The following ABCA6 variants were observed in gnomAD, a reference collection of about 807,000 sequenced individuals.
ABCA6 encodes the protein ATP-binding cassette sub-family A member 6.
A neutral mutation model predicts 191.2 loss-of-function variants in ABCA6; 164 were observed. That is an observed-to-expected ratio of 0.86 (90% CI 0.76 to 0.98). The LOEUF (loss-of-function observed/expected upper bound fraction) is 0.98. Among genes scored for constraint, ABCA6 ranks in the 50% least tolerant of loss-of-function variants. ABCA6 has a pLI of 0.00. For synonymous variants in ABCA6, 636 were observed against 647.7 expected (o/e 0.98, Z 0.27); for missense variants, 1,958 against 1,894.1 (o/e 1.03, Z -0.63).
rs2073723916 is a variant in ABCA6 at position 69,125,023 on chromosome 17, C to A, written c.1132G>T (p.Asp378Tyr). 1.4e-6 allele frequency: 2 copies of A among 1,390,780 alleles called. No homozygotes were observed. The highest frequency in any genetic ancestry group is 9.5e-7 in the Non-Finnish European group (1 of 1,049,576). The allele number at this position is 1,390,780 out of a possible 1,614,324, so 86.2% of individuals were successfully genotyped here. ...TTGMIQIIKL[D>Y]YNLNGVIFPD... ...AAAATTACACCATTCAAGTTATAAT[C>A]CAGTTTGATAATCTAAGATTCAAAA... The change falls in exon 9 of 39, where the codon GAT (aspartate) becomes TAT (tyrosine). Residue 378 changes from aspartate to tyrosine, a missense_variant. Transcript: ENST00000284425.
Position 69,140,683 on chromosome 17 carries a change from G to A in ABCA6, c.21C>T (p.Ser7=), listed in dbSNP as rs866698505. 3.8e-6 allele frequency: 6 copies of A among 1,595,296 alleles called. No individual in the cohort carries two copies. Among genetic ancestry groups the A allele is most frequent in the East Asian group, 2.3e-5 (1 of 43,698 alleles). The change falls in exon 2 of 39, where the codon AGC becomes AGT. Residue 7 remains serine (S), a synonymous_variant. Transcript: ENST00000284425. MNMKQK[S]VYQQTKALLC... is the part of the protein sequence containing the mutation. ...GAAGTGCTTTGGTTTGCTGATACAC[G>A]CTTTTCTGTTTCATATTCATTTAGC...
chr17:69,089,576 T>C, intron 26 of ABCA6, 34 bp from the exon 27 acceptor site: 1 of 1,481,436 alleles, frequency 6.8e-7, no homozygotes. Context: ...CACACACTAA[T>C]GATAATTCAT....
At chr17:69,099,137 G>A (rs1202990622) in intron 22 of ABCA6, among the ~76,000 whole-genome samples, 1 of 151,852 alleles carries the variant, frequency 6.6e-6, no homozygotes, top group Non-Finnish European at 1.5e-5. Context: ...TCAGGGAAAG[G>A]AACTTTAAAT....
Position 69,105,577 on chromosome 17 carries a change from C to T in ABCA6, c.2625G>A (p.Met875Ile), listed in dbSNP as rs7212506. ...CGATCTTTTCATTTAACATAGCATA[C>T]ATTATATTTTCAACAATCAAAGGGA... is the stretch of plus-strand genomic sequence containing the variant. ...AIFPLIVENI[M>I]YAMLNEKIDW... The change falls in exon 20 of 39, where the codon ATG (methionine) becomes ATA (isoleucine). Residue 875 changes from methionine to isoleucine, a missense_variant. By Grantham distance (10) the Met-to-Ile change is conservative. Coordinates refer to ENST00000284425, the MANE Select transcript of ABCA6 (RefSeq NM_080284.3). 0.91 allele frequency: 1,413,575 copies of T among 1,559,994 alleles called. 649,929 individuals are homozygous for T. The highest frequency in any genetic ancestry group is 0.94 in the Non-Finnish European group (1,068,357 of 1,134,184).
Position 69,084,301 on chromosome 17 carries a change from G to A in ABCA6, c.4315C>T (p.Pro1439Ser), listed in dbSNP as rs143796127. The change falls in exon 34 of 39, where the codon CCA (proline) becomes TCA (serine). Residue 1439 changes from proline (P) to serine (S), a missense_variant. Coordinates refer to ENST00000284425, the MANE Select transcript of ABCA6 (RefSeq NM_080284.3). ...GNSPVLLLDE[P>S]STGIDPTGQQ... ...CCTGTGGGGTCTATGCCCGTAGATG[G>A]TTCATCCAGGAGCAAGACAGGTGAG... The A allele has an allele frequency of 3.5e-4, 564 of 1,614,120 alleles. 1 individual carries two copies. The African/African-American group carries it at 7.0e-3, about 20-fold the overall frequency.
chr17:69,134,888 C>CTT lies in ABCA6; in HGVS notation c.461-148_461-147dup, dbSNP rs58333377. On this transcript the variant is annotated intron_variant, in intron 4 of 38. Transcript: ENST00000284425. Reference sequence around the variant, plus strand: ...GGTGTTTCGTTTTTGTTGTGGTTGTCTTTTTTTTTTTGGAGATGAAGTCTC... The same window carrying CTT: ...GGTGTTTCGTTTTTGTTGTGGTTGTCTTTTTTTTTTTTTGGAGATGAAGTCTC... The CTT allele has an allele frequency of 7.7e-5, 24 of 312,854 alleles. 1 individual carries two copies. Among genetic ancestry groups the CTT allele is most frequent in the East Asian group, 2.3e-4 (2 of 8,720 alleles). 19.4% of individuals were successfully genotyped at this position (312,854 alleles called of 1,614,324 possible).
chr17:69,109,821 T>C (rs1210795550), intron 17 of ABCA6: 1 of 151,886 alleles, frequency 6.6e-6, no homozygotes, highest in Admixed American at 6.6e-5. Flanking sequence ...TTTTACCTAA[T>C]AAGGTTCCCA....
Position 69,097,968 on chromosome 17 carries a change from T to C in ABCA6, c.3072A>G (p.Leu1024=), listed in dbSNP as rs1373808640. 5 of 1,611,704 alleles carry C rather than the reference T, an allele frequency of 3.1e-6. No individual in the cohort carries two copies. Among genetic ancestry groups the C allele is most frequent in the East Asian group, 2.2e-5 (1 of 44,726 alleles). Residue 1024 remains leucine, a synonymous_variant, in exon 23 of 39, where the codon CTA becomes CTG. Coordinates refer to ENST00000284425, the MANE Select transcript of ABCA6 (RefSeq NM_080284.3). Reference sequence around the variant, plus strand: ...TGGTGATATAAGGAGAAATGCTACATAGAACCAAAAATAAGAAAAAGGAAC... The same window carrying C: ...TGGTGATATAAGGAGAAATGCTACACAGAACCAAAAATAAGAAAAAGGAAC... ...PDGSFFLFLV[L]CSISPYITMG... is the part of the protein sequence containing the mutation.
At chr17:69,125,228 ATATT>A (rs1416490528) in intron 8 of ABCA6, among the ~76,000 whole-genome samples, 193 bp from the exon 9 acceptor site, 5 of 151,844 alleles carry the variant, frequency 3.3e-5, no homozygotes, top group African/African-American at 7.2e-5. Flanking sequence ...TTAGAAAGAA[ATATT>A]TATTTAATAA....
chr17:69,097,851 G>T, intron 23 of ABCA6, 69 bp downstream of exon 23: 2 of 1,070,734 alleles, frequency 1.9e-6, no homozygotes, highest in South Asian at 1.9e-5. Flanking sequence ...AAAACATTTT[G>T]AACACATAGC....
rs745972633 is a variant in ABCA6 at position 69,084,255 on chromosome 17, G to C, written c.4355+6C>G. 6.8e-6 allele frequency: 11 copies of C among 1,613,706 alleles called. No homozygotes were observed. Among genetic ancestry groups the C allele is most frequent in the South Asian group, 4.4e-5 (4 of 91,078 alleles). On this transcript the variant is annotated splice_donor_region_variant and intron_variant, in intron 34 of 38. Transcript: ENST00000284425. ...GCTCGCAGCTCTGGGGTATAATGATGCTCACCACATTTGCTGCTGCCCTGT... is the reference window on the plus strand; with the variant it reads ...GCTCGCAGCTCTGGGGTATAATGATCCTCACCACATTTGCTGCTGCCCTGT...
At position 69,102,858 on chromosome 17, in the gene ABCA6, T is replaced by C; in HGVS notation, c.2851A>G (p.Ile951Val). 1 of 1,588,346 alleles carries C rather than the reference T, an allele frequency of 6.3e-7. No homozygotes were observed. The change falls in exon 21 of 39, where the codon ATC (isoleucine) becomes GTC (valine). Residue 951 changes from isoleucine (I) to valine (V), a missense_variant. Transcript: ENST00000284425. ...ACCTTTTGTTTACCAGAAACTATGATAGCTCCATTGTATGAGAGGCCATCA... is the reference window on the plus strand; with the variant it reads ...ACCTTTTGTTTACCAGAAACTATGACAGCTCCATTGTATGAGAGGCCATCA... ...GTDGLSYNGA[I>V]IVSGKQKDYR...
intron 23 of ABCA6, 41 bp downstream of exon 23, chr17:69,097,879 T>G (rs1164901789): frequency 7.0e-6 from 10 of 1,436,100 alleles, no homozygotes; most frequent in Non-Finnish European, 9.5e-6. Context: ...ATACAGATAT[T>G]GAAATTCCTG....
intron 10 of ABCA6, among the ~76,000 whole-genome samples, chr17:69,119,303 A>G (rs2073595329): frequency 6.6e-6 from 1 of 152,056 alleles, no homozygotes; most frequent in Admixed American, 6.6e-5. Context: ...ATGGACATTC[A>G]ACTACTCTCT....
At chr17:69,088,657 T>A (rs1351226702) in intron 27 of ABCA6, among the ~76,000 whole-genome samples, 1 of 152,176 alleles carries the variant, frequency 6.6e-6, no homozygotes, top group African/African-American at 2.4e-5. Context: ...GCTACTTTTT[T>A]AATACATAAG....
At chr17:69,124,645 A>G (rs552007573) in intron 9 of ABCA6, among the ~76,000 whole-genome samples, 1 of 152,054 alleles carries the variant, frequency 6.6e-6, no homozygotes, top group African/African-American at 2.4e-5. Context: ...ACACAATTAC[A>G]AGATGTATTA....
intron 36 of ABCA6, 72 bp from the exon 37 acceptor site, chr17:69,081,217 A>T: frequency 1.4e-6 from 1 of 727,302 alleles, no homozygotes; most frequent in Non-Finnish European, 2.4e-6. Context: ...ATAAATATTG[A>T]TATTACCAAC....
At chr17:69,128,598 A>G (rs1184024496) in intron 8 of ABCA6, 21 bp downstream of exon 8, 1 of 1,586,670 alleles carries the variant, frequency 6.3e-7, no homozygotes. Flanking sequence ...TCAGTAATAA[A>G]CCAATTAACT....
intron 13 of ABCA6, among the ~76,000 whole-genome samples, chr17:69,114,352 G>A (rs1026858781): frequency 1.8e-4 from 26 of 147,454 alleles, no homozygotes; most frequent in African/African-American, 6.5e-4. Context: ...CTCATAGGTG[G>A]GAATTGAACA....
Sources: allele counts gnomAD v4.1 joint callset (sites outside exome capture counted in the v4.1 genomes callset), GRCh38; gene constraint gnomAD v4.1.1; transcripts MANE v1.5; gene names NCBI Gene and HGNC (gene_info 2026-07-23, HGNC 2026-07-21).